DYM: variants seen among roughly 807,000 people sequenced by gnomAD.
The protein encoded by DYM is dymeclin.
A neutral mutation model predicts 93.1 loss-of-function variants in DYM; 78 were observed. The ratio of observed to expected loss-of-function variants is 0.84; its 90% CI spans 0.70 to 1.01. DYM has a LOEUF of 1.01. Ranked by LOEUF, DYM falls within the 50% of genes least tolerant of loss-of-function variation. The pLI is 0.00. For missense variants in DYM, 789 were observed against 845.0 expected (o/e 0.93, Z 0.82); for synonymous variants, 321 against 319.7 (o/e 1.00, Z -0.04).
At chr18:49,334,980 AC>A (rs778839420) in intron 6 of DYM, among the ~76,000 whole-genome samples, 15 of 152,052 alleles carry the variant, frequency 9.9e-5, no homozygotes, top group Non-Finnish European at 1.8e-4. Context: ...GGTGGCGGGC[AC>A]CTGTAATGCC....
At chr18:49,248,251 G>A (rs2094212009) in intron 13 of DYM, among the ~76,000 whole-genome samples, 1 of 152,078 alleles carries the variant, frequency 6.6e-6, no homozygotes, top group African/African-American at 2.4e-5. Flanking sequence ...AAATATTTGG[G>A]GAATATAGGC....
chr18:49,203,245 CT>C lies in DYM; in HGVS notation c.1625+6305del, dbSNP rs1421516780. On this transcript the variant is annotated intron_variant, in intron 14 of 17. Transcript: ENST00000675505. ...GGGAGGTGGGGGGGGTCAGCCCCCC[CT>C]GCCCGGCCAGCCGCCCCGTCCAGGA... Among the ~76,000 whole-genome samples the C allele has an allele frequency of 1.8e-4, 10 of 54,402 alleles. 1 individual carries two copies. The highest frequency in any genetic ancestry group is 6.8e-4 in the South Asian group (1 of 1,462). The allele number at this position is 54,402 out of a possible 152,430, so 35.7% of individuals were successfully genotyped here. A position where few individuals can be genotyped will look rare whatever the true frequency, so the allele number is the denominator to read the frequency against.
intron 8 of DYM, among the ~76,000 whole-genome samples, chr18:49,313,067 C>T (rs575894269): frequency 2.0e-5 from 3 of 152,194 alleles, no homozygotes; most frequent in African/African-American, 7.2e-5. Context: ...TAAATAAGTC[C>T]GAGACCTGCT....
intron 15 of DYM, among the ~76,000 whole-genome samples, chr18:49,144,914 C>T (rs937971359): frequency 6.6e-6 from 1 of 150,932 alleles, no homozygotes; most frequent in Non-Finnish European, 1.5e-5. Context: ...CTGGGCAACA[C>T]AGTGGGACCC....
intron 15 of DYM, among the ~76,000 whole-genome samples, chr18:49,126,661 T>TC (rs1303469254): frequency 6.6e-6 from 1 of 151,530 alleles, no homozygotes; most frequent in Non-Finnish European, 1.5e-5. Flanking sequence ...ATTATTTGAT[T>TC]TTTTTTCATA....
At chr18:49,265,024 AC>A (rs2094547658) in intron 11 of DYM, among the ~76,000 whole-genome samples, 1 of 152,226 alleles carries the variant, frequency 6.6e-6, no homozygotes, top group Admixed American at 6.5e-5. Flanking sequence ...TTAAATGCTT[AC>A]CAAATTAGTA....
intron 1 of DYM, among the ~76,000 whole-genome samples, chr18:49,443,430 C>T (rs1031206663): frequency 6.6e-6 from 1 of 152,094 alleles, no homozygotes; most frequent in Admixed American, 6.5e-5. Context: ...TGAGTATTGC[C>T]ATACTATAAC....
intron 17 of DYM, among the ~76,000 whole-genome samples, chr18:49,093,829 T>G (rs2079301921): frequency 6.6e-6 from 1 of 152,164 alleles, no homozygotes; most frequent in Non-Finnish European, 1.5e-5. Flanking sequence ...GACCCCTGAA[T>G]AGGAGCAAAG....
At chr18:49,165,988 T>C (rs906178539) in intron 14 of DYM, among the ~76,000 whole-genome samples, 1 of 144,810 alleles carries the variant, frequency 6.9e-6, no homozygotes, top group Admixed American at 7.1e-5. Flanking sequence ...ATACAAGAAG[T>C]AGAAAACAGA....
intron 1 of DYM, 134 bp from the exon 2 acceptor site, chr18:49,430,581 A>T (rs1410486280): frequency 1.4e-6 from 1 of 737,632 alleles, no homozygotes; most frequent in African/African-American, 1.8e-5. Flanking sequence ...CATCAGATAC[A>T]AAGTTACAAG....
chr18:49,158,687 C>A (rs545494491), intron 15 of DYM, among the ~76,000 whole-genome samples: 1 of 152,158 alleles, frequency 6.6e-6, no homozygotes, highest in East Asian at 1.9e-4. Context: ...TAAGTAAGAA[C>A]GTGTGATGTT....
intron 13 of DYM, among the ~76,000 whole-genome samples, chr18:49,229,994 T>G (rs969780012): frequency 1.3e-5 from 2 of 152,146 alleles, no homozygotes; most frequent in Admixed American, 6.5e-5. Context: ...AAATACCATA[T>G]GATAAGATTT....
intron 2 of DYM, among the ~76,000 whole-genome samples, chr18:49,421,752 C>A (rs1458446706): frequency 2.0e-5 from 3 of 152,144 alleles, no homozygotes; most frequent in Non-Finnish European, 4.4e-5. Flanking sequence ...AGCTAAAAAC[C>A]TTGAAGAAAG....
chr18:49,149,411 C>A lies in DYM; in HGVS notation c.1728+14274G>T, dbSNP rs150469859. Among the ~76,000 whole-genome samples the A allele has an allele frequency of 2.5e-3, 376 of 152,222 alleles. 1 individual carries two copies. The highest frequency in any genetic ancestry group is 8.5e-3 in the African/African-American group (354 of 41,530). ...TCACCTTCTAAATGAGATATATGCT[C>A]CACTGATCACCCATATGCACTGCTA... On this transcript the variant is annotated intron_variant, in intron 15 of 17. Transcript: ENST00000675505.
At chr18:49,073,989 G>A (rs974266505) in intron 17 of DYM, among the ~76,000 whole-genome samples, 3 of 152,136 alleles carry the variant, frequency 2.0e-5, no homozygotes, top group Non-Finnish European at 4.4e-5. Flanking sequence ...AAGATGGAAG[G>A]GAAAGGGAGT....
intron 1 of DYM, chr18:49,431,823 T>C (rs901585792): frequency 2.6e-5 from 4 of 151,982 alleles, no homozygotes; most frequent in Non-Finnish European, 5.9e-5. Flanking sequence ...GCTTCCCCGA[T>C]GATGCACATG....
chr18:49,393,810 A>C (rs2069698224), intron 2 of DYM: 1 of 152,088 alleles, frequency 6.6e-6, no homozygotes, highest in South Asian at 2.1e-4. Flanking sequence ...TAAAAATAAA[A>C]TAGGGAATTT....
intron 17 of DYM, among the ~76,000 whole-genome samples, chr18:49,076,779 G>GT (rs1167862250): frequency 6.6e-6 from 1 of 152,156 alleles, no homozygotes; most frequent in Non-Finnish European, 1.5e-5. Flanking sequence ...AAGAAGCCTG[G>GT]TTTTTCAGGG....
At chr18:49,262,125 T>C (rs1446742804) in intron 11 of DYM, among the ~76,000 whole-genome samples, 1 of 152,186 alleles carries the variant, frequency 6.6e-6, no homozygotes, top group Non-Finnish European at 1.5e-5. Context: ...TAGGTCAGTA[T>C]GACTGCTGGT....
Sources: gnomAD v4.1 joint callset for allele counts (sites outside exome capture counted in the v4.1 genomes callset) on GRCh38, gnomAD v4.1.1 for gene constraint, MANE v1.5 for transcripts, NCBI Gene and HGNC (gene_info 2026-07-23, HGNC 2026-07-21) for gene names.